Variants in WDR27 observed in about 807,000 individuals in gnomAD.
WDR27 encodes the protein WD repeat-containing protein 27.
In WDR27, 100 loss-of-function variants were observed where a neutral mutation model predicts 114.4. The ratio of observed to expected loss-of-function variants is 0.87; its 90% CI spans 0.74 to 1.03. The LOEUF (loss-of-function observed/expected upper bound fraction) is 1.03. Among genes scored for constraint, WDR27 ranks in the 50% least tolerant of loss-of-function variants. The pLI is 0.00. For missense variants in WDR27, 1,129 were observed against 1,092.9 expected, an observed-to-expected ratio of 1.03 and a Z score of -0.47; for synonymous variants, 449 against 423.1, an observed-to-expected ratio of 1.06 and a Z score of -0.75.
At position 169,647,811 on chromosome 6, in the gene WDR27, G is replaced by C; in HGVS notation, c.1619C>G (p.Ala540Gly). 1 of 1,584,860 alleles carries C rather than the reference G, an allele frequency of 6.3e-7. No homozygotes were observed. Among genetic ancestry groups the C allele is most frequent in the Non-Finnish European group, 8.6e-7 (1 of 1,166,668 alleles). The part of the protein sequence containing the change: ...PTKPGPQVAA[A>G]PTCTRVCCIQ... ...GCAGCATACACGTGTGCAGGTGGGG[G>C]CGGCAGCGACCTGGGGGCCGGGCTT... Residue 540 changes from alanine (A) to glycine (G), a missense_variant, in exon 16 of 26, where the codon GCC (alanine) becomes GGC (glycine). Coordinates refer to ENST00000448612, the MANE Select transcript of WDR27 (RefSeq NM_182552.5).
rs371532262 is a variant in WDR27, at chr6:169,639,290, G to C, written c.1748-630C>G. On this transcript the variant is annotated intron_variant, in intron 17 of 25. Transcript: ENST00000448612. ...GGGGTGTGAGTGAACGCCTCGGCCC[G>C]GCAGTGTAAAACCTCGCATTTCTTA... Among the ~76,000 whole-genome samples the C allele has an allele frequency of 4.0e-3, 612 of 152,222 alleles. 2 individuals are homozygous for C. Among genetic ancestry groups the C allele is most frequent in the South Asian group, 0.011 (53 of 4,824 alleles).
rs1220748162 is a variant in WDR27, at chr6:169,580,933, T to TTATATA, written c.2523+1897_2523+1902dup. ...TTAAAAATAAGGAACTTAGTGAATT[T>TTATATA]TATATATATATATATATATACATAT... On this transcript the variant is annotated intron_variant, in intron 24 of 25. Transcript: ENST00000448612. Among the ~76,000 whole-genome samples, 106 of 53,652 alleles carry TTATATA rather than the reference T, an allele frequency of 2.0e-3. No individual in the cohort carries two copies. The East Asian group carries it at 0.026, about 13-fold the overall frequency. 35.2% of individuals were successfully genotyped at this position (53,652 alleles called of 152,430 possible). A position where few individuals can be genotyped will look rare whatever the true frequency, so the allele number is the denominator to read the frequency against.
chr6:169,619,297 A>C (rs552491031), intron 21 of WDR27, among the ~76,000 whole-genome samples: 80 of 152,216 alleles, frequency 5.3e-4, no homozygotes, highest in Non-Finnish European at 1.1e-3. Context: ...TCTACACAAC[A>C]ATGGCTCTTC....
chr6:169,542,075 T>C (rs1398947501), intron 25 of WDR27, among the ~76,000 whole-genome samples: 2 of 152,204 alleles, frequency 1.3e-5, no homozygotes, highest in East Asian at 3.8e-4. Flanking sequence ...TTTCATACTA[T>C]ACTGTCTAGC....
chr6:169,644,035 A>T lies in WDR27; in HGVS notation c.1658-249T>A, dbSNP rs541909254. Among the ~76,000 whole-genome samples, 18 of 151,320 alleles carry T rather than the reference A, an allele frequency of 1.2e-4. 1 individual carries two copies. In the South Asian group the frequency reaches 3.1e-3, roughly 26 times the overall value. On this transcript the variant is annotated intron_variant, in intron 16 of 25. Coordinates refer to ENST00000448612, the MANE Select transcript of WDR27 (RefSeq NM_182552.5). ...GCCTAGTTCACAGGAGTCACACTGT[A>T]GAAAAGCCTAGTTCATACGAGTCAC...
At chr6:169,564,575 C>T (rs757719434) in intron 25 of WDR27, among the ~76,000 whole-genome samples, 5 of 152,200 alleles carry the variant, frequency 3.3e-5, no homozygotes, top group Non-Finnish European at 5.9e-5. Flanking sequence ...CGTGGCTGAC[C>T]ACCCTCCACA....
intron 25 of WDR27, among the ~76,000 whole-genome samples, chr6:169,461,179 G>A (rs1784865654): frequency 6.6e-6 from 1 of 152,084 alleles, no homozygotes; most frequent in Non-Finnish European, 1.5e-5. Flanking sequence ...ATAATAGCTG[G>A]AGGTCTCAAT....
At chr6:169,597,877 T>TTCATACACACACACAC (rs1199110824) in intron 23 of WDR27, among the ~76,000 whole-genome samples, 37 of 142,288 alleles carry the variant, frequency 2.6e-4, no homozygotes, top group East Asian at 2.2e-3. Context: ...TTACCATTCA[T>TTCATACACACACACAC]ACACACACAC....
rs1304880620 is a variant in WDR27 at position 169,457,532 on chromosome 6, A to T, written c.*60T>A. On this transcript the variant is annotated 3_prime_UTR_variant, in exon 26 of 26. Transcript: ENST00000448612. ...CCTGATGGATGAACCACTACTTCTTACTTTTAAGTTGTTCCTCACAGCATT... is the reference window on the plus strand; with the variant it reads ...CCTGATGGATGAACCACTACTTCTTTCTTTTAAGTTGTTCCTCACAGCATT... The T allele has an allele frequency of 9.0e-6, 13 of 1,440,218 alleles. No homozygotes were observed. The highest frequency in any genetic ancestry group is 1.2e-5 in the Non-Finnish European group (13 of 1,067,322). 89.2% of individuals were successfully genotyped at this position (1,440,218 alleles called of 1,614,324 possible). A position where few individuals can be genotyped will look rare whatever the true frequency, so the allele number is the denominator to read the frequency against.
chr6:169,531,655 GTTTTT>G (rs11342717), intron 25 of WDR27, among the ~76,000 whole-genome samples: 2 of 133,026 alleles, frequency 1.5e-5, no homozygotes, highest in South Asian at 4.9e-4. Flanking sequence ...TAAACAGTTT[GTTTTT>G]TTTTTTTTTT....
chr6:169,460,519 A>G (rs1784782293), intron 25 of WDR27, among the ~76,000 whole-genome samples: 2 of 152,208 alleles, frequency 1.3e-5, no homozygotes, highest in Admixed American at 1.3e-4. Context: ...TAATGCAGAA[A>G]ATAAGGGACA....
Position 169,605,095 on chromosome 6 carries a change from C to T in WDR27, c.2322-2774G>A, listed in dbSNP as rs147523414. Among the ~76,000 whole-genome samples the T allele has an allele frequency of 3.6e-5, 3 of 84,140 alleles. No individual in the cohort carries two copies. The East Asian group carries it at 9.6e-3, about 270-fold the overall frequency. The allele number at this position is 84,140 out of a possible 152,430, so 55.2% of individuals were successfully genotyped here. On this transcript the variant is annotated intron_variant, in intron 22 of 25. Coordinates refer to ENST00000448612, the MANE Select transcript of WDR27 (RefSeq NM_182552.5). ...TCAATATAGTCCTAGAAGTCCTAGC[C>T]AGAGCAATTAGGCAAAAAAAAAAAA... is the stretch of plus-strand genomic sequence containing the variant.
At chr6:169,583,237 C>T (rs1023880128) in intron 23 of WDR27, among the ~76,000 whole-genome samples, 4 of 143,568 alleles carry the variant, frequency 2.8e-5, no homozygotes, top group African/African-American at 5.2e-5. Context: ...TGATTGATGA[C>T]TAATTTTAAG....
At chr6:169,649,298 T>G (rs557073270) in intron 14 of WDR27, 23 bp from the exon 15 acceptor site, 2 of 1,539,776 alleles carry the variant, frequency 1.3e-6, no homozygotes, top group Non-Finnish European at 1.8e-6. Flanking sequence ...AACTCTAATA[T>G]CACTCTCAAA....
intron 25 of WDR27, among the ~76,000 whole-genome samples, chr6:169,556,481 G>C (rs1009384119): frequency 1.3e-5 from 2 of 152,158 alleles, no homozygotes; most frequent in South Asian, 4.1e-4. Flanking sequence ...ATGTAGCAAC[G>C]GGTTATAGAT....
At chr6:169,644,544 T>A (rs1184058761) in intron 16 of WDR27, among the ~76,000 whole-genome samples, 1 of 149,992 alleles carries the variant, frequency 6.7e-6, no homozygotes. Flanking sequence ...AAACCCTAGT[T>A]CACAGGAGTC....
chr6:169,533,190 A>G (rs1795799950), intron 25 of WDR27, among the ~76,000 whole-genome samples: 1 of 151,234 alleles, frequency 6.6e-6, no homozygotes, highest in Non-Finnish European at 1.5e-5. Flanking sequence ...AGTGGAGCTC[A>G]GGGTTTCCAA....
intron 25 of WDR27, among the ~76,000 whole-genome samples, chr6:169,466,295 G>T (rs1040109890): frequency 6.6e-6 from 1 of 152,108 alleles, no homozygotes; most frequent in African/African-American, 2.4e-5. Context: ...CTGCTATAAA[G>T]AACTGCCTGA....
downstream of WDR27, among the ~76,000 whole-genome samples, chr6:169,456,200 T>C (rs16888039): frequency 9.4e-3 from 1,439 of 152,288 alleles, 22 homozygotes; most frequent in African/African-American, 0.032. This position sits in a 1 kb window ranked among gnomAD's most constrained non-coding sequence, Gnocchi z 4.0. Context: ...AAAATAAAAA[T>C]GAGTTATTCT....
Sources: allele counts gnomAD v4.1 joint callset (sites outside exome capture counted in the v4.1 genomes callset), GRCh38; gene constraint gnomAD v4.1.1; non-coding constraint Gnocchi (gnomAD v3.1); transcripts MANE v1.5; gene names NCBI Gene and HGNC (gene_info 2026-07-23, HGNC 2026-07-21).